The following SLC9D1 variants were observed in gnomAD, a reference collection of about 807,000 sequenced individuals.
SLC9D1 encodes the protein putative LAG1-interacting protein.
At chr13:113,499,657 GAATAAA>G in the SLC9D1 span, among the ~76,000 whole-genome samples, 2 of 152,144 alleles carry the variant, frequency 1.3e-5, no homozygotes, top group African/African-American at 4.8e-5. Context: ...AAAGCAGAGA[GAATAAA>G]AATAGAGCAG....
chr13:113,511,182 G>C, the SLC9D1 span, among the ~76,000 whole-genome samples: 1 of 149,690 alleles, frequency 6.7e-6, no homozygotes, highest in Non-Finnish European at 1.5e-5. Context: ...CTGACAGCCT[G>C]CCTACCCACT....
chr13:113,511,338 G>A, the SLC9D1 span, among the ~76,000 whole-genome samples: 1 of 152,222 alleles, frequency 6.6e-6, no homozygotes, highest in African/African-American at 2.4e-5. Context: ...AACCAAAGAG[G>A]TATGTCTGAC....
At chr13:113,497,570 GCAGC>G in the SLC9D1 span, among the ~76,000 whole-genome samples, 1 of 150,114 alleles carries the variant, frequency 6.7e-6, no homozygotes, top group African/African-American at 2.5e-5. Context: ...TGTGAGACCT[GCAGC>G]TGTGTGAGAC....
the SLC9D1 span, among the ~76,000 whole-genome samples, chr13:113,506,992 C>T: frequency 2.6e-5 from 4 of 152,086 alleles, no homozygotes; most frequent in Admixed American, 2.0e-4. Context: ...GCTCAGCTGC[C>T]CTGCGTGGTG....
chr13:113,492,700 C>A, the SLC9D1 span, among the ~76,000 whole-genome samples: 1 of 152,174 alleles, frequency 6.6e-6, no homozygotes, highest in Non-Finnish European at 1.5e-5. Flanking sequence ...GAGTTTGAGA[C>A]CAGCCTGGCC....
At chr13:113,532,417 G>C in the SLC9D1 span, among the ~76,000 whole-genome samples, 1 of 152,092 alleles carries the variant, frequency 6.6e-6, no homozygotes, top group Non-Finnish European at 1.5e-5. Flanking sequence ...TCTGTGGCCT[G>C]TGTGGGTGGG....
At chr13:113,546,068 G>A in the SLC9D1 span, among the ~76,000 whole-genome samples, 9 of 152,124 alleles carry the variant, frequency 5.9e-5, no homozygotes, top group African/African-American at 1.9e-4. The surrounding 1 kb of genome is among the most constrained non-coding windows in gnomAD (Gnocchi z 7.1). Flanking sequence ...TGGCCGCGAT[G>A]TGAGGCCCCC....
At chr13:113,543,115 AG>A in the SLC9D1 span, among the ~76,000 whole-genome samples, 1 of 41,532 alleles carries the variant, frequency 2.4e-5, no homozygotes, top group African/African-American at 1.2e-4. Flanking sequence ...CCCTGCCCCC[AG>A]CCCTCCCTGT....
the SLC9D1 span, chr13:113,534,045 C>T: frequency 6.3e-7 from 1 of 1,588,838 alleles, no homozygotes; most frequent in Non-Finnish European, 8.5e-7. Context: ...TCTTTCCCAG[C>T]ATTGTCGTGG....
At chr13:113,507,835 G>A in the SLC9D1 span, among the ~76,000 whole-genome samples, 1 of 152,254 alleles carries the variant, frequency 6.6e-6, no homozygotes, top group Non-Finnish European at 1.5e-5. Flanking sequence ...CAGGTATAAC[G>A]TACGTGTGTG....
the SLC9D1 span, among the ~76,000 whole-genome samples, chr13:113,506,628 G>A: frequency 6.6e-6 from 1 of 152,016 alleles, no homozygotes; most frequent in Non-Finnish European, 1.5e-5. Flanking sequence ...CAACCCGTAG[G>A]GGAGGTGGGA....
chr13:113,546,931 C>T, the SLC9D1 span, among the ~76,000 whole-genome samples: 2 of 152,216 alleles, frequency 1.3e-5, no homozygotes, highest in Non-Finnish European at 2.9e-5. This position sits in a 1 kb window ranked among gnomAD's most constrained non-coding sequence, Gnocchi z 7.1. Context: ...CTCCTGGGCA[C>T]TCCTGGGCAC....
At chr13:113,491,198 G>C in the SLC9D1 span, 1 of 152,316 alleles carries the variant, frequency 6.6e-6, no homozygotes, top group Non-Finnish European at 1.5e-5. Context: ...TCGGGTCCTG[G>C]CGCCTCAGAG....
the SLC9D1 span, among the ~76,000 whole-genome samples, chr13:113,531,493 G>A: frequency 1.3e-3 from 188 of 149,084 alleles, 1 homozygote; most frequent in African/African-American, 4.4e-3. Flanking sequence ...AGCAGCATGC[G>A]TGTGGACCTG....
At chr13:113,539,328 C>A in the SLC9D1 span, 1 of 1,606,470 alleles carries the variant, frequency 6.2e-7, no homozygotes, top group Non-Finnish European at 8.5e-7. This position sits in a 1 kb window ranked among gnomAD's most constrained non-coding sequence, Gnocchi z 4.8. Flanking sequence ...TGTGGGGTCT[C>A]ATGTAAAGCT....
chr13:113,524,853 T>C, the SLC9D1 span, among the ~76,000 whole-genome samples: 1 of 152,212 alleles, frequency 6.6e-6, no homozygotes, highest in African/African-American at 2.4e-5. Flanking sequence ...TGTATTTTAA[T>C]TGGTATGTTT....
At chr13:113,548,790 G>A in the SLC9D1 span, among the ~76,000 whole-genome samples, 253 of 152,324 alleles carry the variant, frequency 1.7e-3, 3 homozygotes, top group Non-Finnish European at 3.0e-3. Flanking sequence ...ACCCGTAATG[G>A]CAGTGTGCCC....
chr13:113,523,798 A>C, the SLC9D1 span, among the ~76,000 whole-genome samples: 200 of 152,304 alleles, frequency 1.3e-3, no homozygotes, highest in Non-Finnish European at 2.3e-3. Flanking sequence ...GCCGCATCTC[A>C]TATTTTGATA....
chr13:113,499,602 A>T, the SLC9D1 span, among the ~76,000 whole-genome samples: 2 of 152,220 alleles, frequency 1.3e-5, no homozygotes, highest in African/African-American at 4.8e-5. Context: ...GAGGACTCAC[A>T]AAAAGGTTGG....
Sources: allele counts gnomAD v4.1 joint callset (sites outside exome capture counted in the v4.1 genomes callset), GRCh38; gene constraint gnomAD v4.1.1; non-coding constraint Gnocchi (gnomAD v3.1); transcripts MANE v1.5; gene names NCBI Gene and HGNC (gene_info 2026-07-23, HGNC 2026-07-21).